Variants in ALDH3A2 observed in about 807,000 individuals in gnomAD.
The protein encoded by ALDH3A2 is aldehyde dehydrogenase family 3 member A2.
In ALDH3A2, 36 loss-of-function variants were observed where a neutral mutation model predicts 51.3. The ratio of observed to expected loss-of-function variants is 0.70; its 90% confidence interval spans 0.54 to 0.93. The LOEUF (loss-of-function observed/expected upper bound fraction) is 0.93. ALDH3A2 is among the 40% of genes least tolerant of loss of function. The probability of loss-of-function intolerance (pLI) is 0.00; values close to 1 mark genes in which losing one functional copy is unlikely to be tolerated. For missense variants in ALDH3A2, 552 were observed against 603.1 expected (o/e 0.92, Z 0.89); for synonymous variants, 199 against 219.8 (o/e 0.91, Z 0.84).
rs1597549922 is a variant in ALDH3A2, at chr17:19,651,896, C to CACTCAGT, written c.385+120_385+121insTCAGTAC. 3.5e-4 allele frequency: 321 copies of CACTCAGT among 924,496 alleles called. 2 individuals carry two copies. The East Asian group carries it at 8.0e-3, about 23-fold the overall frequency. The allele number at this position is 924,496 out of a possible 1,614,324, so 57.3% of individuals were successfully genotyped here. On this transcript the variant is annotated intron_variant, in intron 2 of 9. Coordinates refer to ENST00000176643, the MANE Select transcript of ALDH3A2 (RefSeq NM_000382.3). ...TTACTTGGTGATTTGCCTTTGTTTA[C>CACTCAGT]ACCACCAGTGTACTGAGAATTCATA...
chr17:19,660,790 T>G (rs2084955871), intron 5 of ALDH3A2, among the ~76,000 whole-genome samples: 1 of 152,200 alleles, frequency 6.6e-6, no homozygotes, highest in African/African-American at 2.4e-5. Context: ...TAGGCAACTC[T>G]GATGCAGAGC....
At chr17:19,663,226 G>T in intron 6 of ALDH3A2, 107 bp from the exon 7 acceptor site, 1 of 1,296,974 alleles carries the variant, frequency 7.7e-7, no homozygotes, top group South Asian at 1.2e-5. Context: ...TATGACTTGG[G>T]TGGGAGAGGG....
intron 8 of ALDH3A2, among the ~76,000 whole-genome samples, chr17:19,670,164 T>C (rs2085093053): frequency 6.6e-6 from 1 of 152,196 alleles, no homozygotes. Context: ...ATCTTTGGAA[T>C]CACTACCTCC....
chr17:19,651,644 T>G lies in ALDH3A2; in HGVS notation c.251T>G (p.Val84Gly), dbSNP rs765632720. The G allele has an allele frequency of 3.1e-6, 5 of 1,614,236 alleles. No homozygotes were observed. The highest frequency in any genetic ancestry group is 4.2e-6 in the Non-Finnish European group (5 of 1,180,046). The change falls in exon 2 of 10, where the codon GTT becomes GGT. Residue 84 changes from valine (V) to glycine (G), a missense_variant. Val to Gly is a moderately radical substitution (Grantham distance 109). Transcript: ENST00000176643. Reference protein sequence around the residue: ...NLPEWVTAKPVKKNVLTMLDE... With the variant: ...NLPEWVTAKPGKKNVLTMLDE... ...CCTGAATGGGTTACTGCTAAACCAG[T>G]TAAGAAGAACGTGCTCACCATGCTG...
intron 8 of ALDH3A2, among the ~76,000 whole-genome samples, chr17:19,669,833 T>C (rs935000973): frequency 1.3e-5 from 2 of 152,052 alleles, no homozygotes; most frequent in Admixed American, 1.3e-4. Flanking sequence ...AGAGGCGGGG[T>C]CTCACTGTGT....
chr17:19,670,282 G>GATT lies in ALDH3A2; in HGVS notation c.1208-1438_1208-1437insTTA, dbSNP rs1194883007. Among the ~76,000 whole-genome samples, 3 of 152,198 alleles carry GATT rather than the reference G, an allele frequency of 2.0e-5. No individual in the cohort carries two copies. In the East Asian group the frequency reaches 5.8e-4, roughly 29 times the overall value. ...GAAGAATTTATATCTTTAAAATGTG[G>GATT]AGTCTTAATGGGAATATGTTATATC... On this transcript the variant is annotated intron_variant, in intron 8 of 9. Coordinates refer to ENST00000176643, the MANE Select transcript of ALDH3A2 (RefSeq NM_000382.3).
At chr17:19,652,406 A>T in intron 2 of ALDH3A2, 141 bp from the exon 3 acceptor site, 1 of 673,168 alleles carries the variant, frequency 1.5e-6, no homozygotes, top group East Asian at 2.7e-5. Flanking sequence ...ATGAGCTCTT[A>T]TGCTAATTAT....
chr17:19,672,274 G>A (rs887452889), intron 9 of ALDH3A2: 2 of 399,692 alleles, frequency 5.0e-6, no homozygotes, highest in African/African-American at 4.0e-5. Context: ...AAACAGCGTA[G>A]AACTTGATTG....
At chr17:19,664,899 T>G in intron 7 of ALDH3A2, 49 bp from the exon 8 acceptor site, 1 of 1,357,406 alleles carries the variant, frequency 7.4e-7, no homozygotes. Context: ...CCATGAGTGT[T>G]CCCTAAGGGG....
In ALDH3A2 at chr17:19,663,414, C is replaced by T. The variant is rs1273871664; in HGVS notation, c.1022C>T (p.Pro341Leu). 5.6e-6 allele frequency: 9 copies of T among 1,613,948 alleles called. No homozygotes were observed. The highest frequency in any genetic ancestry group is 1.1e-5 in the South Asian group (1 of 91,086). Residue 341 changes from proline (P) to leucine (L), a missense_variant, in exon 7 of 10, where the codon CCT becomes CTT. Pro to Leu is a moderately conservative substitution (Grantham distance 98). Coordinates refer to ENST00000176643, the MANE Select transcript of ALDH3A2 (RefSeq NM_000382.3). The part of the protein sequence containing the change: ...EIFGPILPIV[P>L]VKNVDEAINF... ...TTTGGACCAATTCTTCCAATAGTGCCTGTGAAAAATGTAGATGAGGCCATA... is the reference window on the plus strand; with the variant it reads ...TTTGGACCAATTCTTCCAATAGTGCTTGTGAAAAATGTAGATGAGGCCATA...
chr17:19,652,024 A>T (rs2084822958), intron 2 of ALDH3A2, among the ~76,000 whole-genome samples: 1 of 152,228 alleles, frequency 6.6e-6, no homozygotes, highest in Non-Finnish European at 1.5e-5. Context: ...TGTGTGAGTC[A>T]GCAGGCCCAG....
chr17:19,662,768 G>A (rs1365080272), intron 6 of ALDH3A2, among the ~76,000 whole-genome samples: 1 of 152,150 alleles, frequency 6.6e-6, no homozygotes, highest in African/African-American at 2.4e-5. Flanking sequence ...ATTCACAGAG[G>A]AGCTGTCTTT....
intron 4 of ALDH3A2, among the ~76,000 whole-genome samples, chr17:19,656,925 T>C (rs2084905065): frequency 6.6e-6 from 1 of 152,254 alleles, no homozygotes; most frequent in African/African-American, 2.4e-5. Flanking sequence ...ATAAAATCTT[T>C]AAATGCCCAT....
At chr17:19,652,706 C>A in intron 3 of ALDH3A2, 74 bp downstream of exon 3, 1 of 1,279,388 alleles carries the variant, frequency 7.8e-7, no homozygotes, top group Admixed American at 1.7e-5. Flanking sequence ...CTTGCTATTG[C>A]ATGTTATTGC....
intron 9 of ALDH3A2, chr17:19,675,306 A>G (rs2085172372): frequency 5.6e-6 from 3 of 536,816 alleles, no homozygotes; most frequent in Non-Finnish European, 9.9e-6. Flanking sequence ...CAGTGGACAG[A>G]ATATAGCCTT....
intron 5 of ALDH3A2, among the ~76,000 whole-genome samples, chr17:19,660,141 G>C (rs1164894529): frequency 1.3e-5 from 2 of 152,058 alleles, no homozygotes; most frequent in East Asian, 3.9e-4. Flanking sequence ...AAAGGAATAA[G>C]GGCCTCTGCC....
At chr17:19,672,965 C>A (rs66462929) in intron 9 of ALDH3A2, among the ~76,000 whole-genome samples, 2 of 151,956 alleles carry the variant, frequency 1.3e-5, no homozygotes, top group South Asian at 4.2e-4. Context: ...CACTTGAACC[C>A]GGGAGGTGGA....
At chr17:19,672,126 G>GCCACACCCACTTGTTTAATCAT (rs2085125163) in intron 9 of ALDH3A2, among the ~76,000 whole-genome samples, 170 bp downstream of exon 9, 1 of 152,172 alleles carries the variant, frequency 6.6e-6, no homozygotes. Flanking sequence ...TTGGAACACA[G>GCCACACCCACTTGTTTAATCAT]CCACACCCAC....
chr17:19,675,701 TAA>T lies in ALDH3A2; in HGVS notation c.*132_*133del. The T allele has an allele frequency of 9.3e-7, 1 of 1,071,126 alleles. No individual in the cohort carries two copies. Among genetic ancestry groups the T allele is most frequent in the East Asian group, 2.4e-5 (1 of 41,718 alleles). The allele number at this position is 1,071,126 out of a possible 1,614,324, so 66.4% of individuals were successfully genotyped here. Reference sequence around the variant, plus strand: ...TATGCAAACACTCTGTGATCAAACTTAAAAGTCATTGCCATTCATCATTAATA... The same window carrying T: ...TATGCAAACACTCTGTGATCAAACTTAAGTCATTGCCATTCATCATTAATA... On this transcript the variant is annotated 3_prime_UTR_variant, in exon 10 of 10. Transcript: ENST00000176643.
Sources: allele counts gnomAD v4.1 joint callset (sites outside exome capture counted in the v4.1 genomes callset), GRCh38; gene constraint gnomAD v4.1.1; transcripts MANE v1.5; gene names NCBI Gene and HGNC (gene_info 2026-07-23, HGNC 2026-07-21).